Variants in FSHR observed in about 807,000 individuals in gnomAD.
The protein encoded by FSHR is follicle stimulating hormone receptor, also known as follicle-stimulating hormone receptor.
FSHR carries 46 observed loss-of-function variants against 52.1 expected under a neutral mutation model. That is an observed-to-expected ratio of 0.88 (90% CI 0.70 to 1.13). The LOEUF is 1.13. Among genes scored for constraint, FSHR ranks in the 50% most tolerant of loss-of-function variants. FSHR has a pLI of 0.00. For synonymous variants in FSHR, 399 were observed against 309.6 expected, an observed-to-expected ratio of 1.29 and a Z score of -3.03; for missense variants, 964 against 834.6, an observed-to-expected ratio of 1.16 and a Z score of -1.91.
chr2:49,032,576 T>C (rs1389170925), intron 2 of FSHR, among the ~76,000 whole-genome samples: 1 of 152,222 alleles, frequency 6.6e-6, no homozygotes, highest in Non-Finnish European at 1.5e-5. Context: ...TTTCAATGTT[T>C]CCTGCTAATA....
At position 49,080,721 on chromosome 2, in the gene FSHR, T is replaced by C. The variant is rs1670135576; in HGVS notation, c.153-12431A>G. Among the ~76,000 whole-genome samples, 4 of 152,226 alleles carry C rather than the reference T, an allele frequency of 2.6e-5. 1 individual carries two copies. Among genetic ancestry groups the C allele is most frequent in the African/African-American group, 9.6e-5 (4 of 41,454 alleles). ...TTTGATGCTTTGACATCTTCTGGCT[T>C]TGCTGACCCTGAAGAAACTGCCCCT... On this transcript the variant is annotated intron_variant, in intron 1 of 9. Coordinates refer to ENST00000406846, the MANE Select transcript of FSHR (RefSeq NM_000145.4).
intron 1 of FSHR, among the ~76,000 whole-genome samples, chr2:49,143,198 C>A (rs1349926015): frequency 6.6e-6 from 1 of 152,060 alleles, no homozygotes; most frequent in African/African-American, 2.4e-5. Context: ...GAGAAGTCAG[C>A]AGAGGAGATC....
intron 2 of FSHR, among the ~76,000 whole-genome samples, chr2:49,031,518 A>G (rs1400554379): frequency 6.6e-6 from 1 of 152,258 alleles, no homozygotes; most frequent in Non-Finnish European, 1.5e-5. Flanking sequence ...AGCTATAATT[A>G]CATGGCTAAT....
In FSHR at chr2:49,070,479, G is replaced by T. The variant is rs538298470; in HGVS notation, c.153-2189C>A. Among the ~76,000 whole-genome samples, 11 of 152,172 alleles carry T rather than the reference G, an allele frequency of 7.2e-5. No individual in the cohort carries two copies. In the East Asian group the frequency reaches 1.9e-3, roughly 27 times the overall value. On this transcript the variant is annotated intron_variant, in intron 1 of 9. Coordinates refer to ENST00000406846, the MANE Select transcript of FSHR (RefSeq NM_000145.4). ...ATTTAACACAAGACAGAAGAATGATGAAAATAAACCAATAAATGAAGATAA... is the reference window on the plus strand; with the variant it reads ...ATTTAACACAAGACAGAAGAATGATTAAAATAAACCAATAAATGAAGATAA...
chr2:49,091,498 T>C (rs113458820), intron 1 of FSHR, among the ~76,000 whole-genome samples: 3 of 152,266 alleles, frequency 2.0e-5, no homozygotes, highest in African/African-American at 7.2e-5. Flanking sequence ...GGTCTCACCA[T>C]GTTGCCCAGT....
At chr2:49,137,559 G>A (rs985637894) in intron 1 of FSHR, among the ~76,000 whole-genome samples, 1 of 152,012 alleles carries the variant, frequency 6.6e-6, no homozygotes, top group Non-Finnish European at 1.5e-5. Flanking sequence ...CAAAGTTGGA[G>A]GATTGTACTT....
rs71401003 is a variant in FSHR, at chr2:49,038,624, C to CAAAAAAAAA, written c.225-18465_225-18464insTTTTTTTTT. The stretch of plus-strand genomic sequence containing the variant: ...TGGGCGACAGAGCAAGACTCTGTCT[C>CAAAAAAAAA]AAAATAATAATAATAATAATAATAA... On this transcript the variant is annotated intron_variant, in intron 2 of 9. Coordinates refer to ENST00000406846, the MANE Select transcript of FSHR (RefSeq NM_000145.4). 7.6e-5 allele frequency among the ~76,000 whole-genome samples: 5 copies of CAAAAAAAAA among 65,444 alleles called. 1 individual carries two copies. The highest frequency in any genetic ancestry group is 3.0e-4 in the African/African-American group (5 of 16,816). The allele number at this position is 65,444 out of a possible 152,430, so 42.9% of individuals were successfully genotyped here. A position where few individuals can be genotyped will look rare whatever the true frequency, so the allele number is the denominator to read the frequency against.
At chr2:48,982,695 G>A (rs916800838) in intron 8 of FSHR, among the ~76,000 whole-genome samples, 1 of 152,200 alleles carries the variant, frequency 6.6e-6, no homozygotes, top group Non-Finnish European at 1.5e-5. Context: ...CACTCTGTAC[G>A]TGCTCATTAC....
intron 4 of FSHR, among the ~76,000 whole-genome samples, chr2:49,004,443 T>G (rs1034118965): frequency 6.6e-6 from 1 of 152,178 alleles, no homozygotes; most frequent in Non-Finnish European, 1.5e-5. Context: ...CAGAATCACT[T>G]CCTCTTTCCA....
chr2:49,088,165 T>G (rs190201475), intron 1 of FSHR, among the ~76,000 whole-genome samples: 17 of 152,282 alleles, frequency 1.1e-4, no homozygotes, highest in Non-Finnish European at 2.5e-4. Flanking sequence ...CCAAAGCCCA[T>G]GCGCACAAGT....
intron 1 of FSHR, among the ~76,000 whole-genome samples, chr2:49,149,746 C>A (rs1478582720): frequency 1.3e-4 from 19 of 151,494 alleles, no homozygotes; most frequent in African/African-American, 4.6e-4. Flanking sequence ...AGATCTAAAC[C>A]AGGATGAAAA....
At chr2:48,972,514 T>C (rs997533131) in intron 8 of FSHR, among the ~76,000 whole-genome samples, 12 of 152,242 alleles carry the variant, frequency 7.9e-5, no homozygotes, top group Non-Finnish European at 1.8e-4. Context: ...CTTTTTTCTT[T>C]GCTACAGGAG....
intron 1 of FSHR, among the ~76,000 whole-genome samples, chr2:49,070,538 G>A (rs929293332): frequency 6.6e-6 from 1 of 152,114 alleles, no homozygotes; most frequent in African/African-American, 2.4e-5. Context: ...CACTCTAAAA[G>A]TTTTAAGGAA....
intron 8 of FSHR, among the ~76,000 whole-genome samples, chr2:48,979,300 G>C (rs1160168330): frequency 6.6e-6 from 1 of 152,092 alleles, no homozygotes; most frequent in Non-Finnish European, 1.5e-5. Flanking sequence ...AAATGGCCAG[G>C]TGTGGTGGTG....
At chr2:48,999,800 A>G (rs552927011) in intron 4 of FSHR, among the ~76,000 whole-genome samples, 1 of 152,198 alleles carries the variant, frequency 6.6e-6, no homozygotes, top group African/African-American at 2.4e-5. Context: ...AGTTTCCAAG[A>G]GAAGGAAATA....
At chr2:48,978,002 T>G (rs1169482639) in intron 8 of FSHR, among the ~76,000 whole-genome samples, 1 of 152,170 alleles carries the variant, frequency 6.6e-6, no homozygotes, top group Non-Finnish European at 1.5e-5. Context: ...AGATAGTGAG[T>G]AGTTTTGAGA....
intron 6 of FSHR, 27 bp downstream of exon 6, chr2:48,988,950 C>T (rs1472384353): frequency 1.9e-6 from 3 of 1,578,804 alleles, no homozygotes; most frequent in East Asian, 2.2e-5. Flanking sequence ...AAATGTTACT[C>T]TGTTGGATTT....
intron 6 of FSHR, among the ~76,000 whole-genome samples, chr2:48,987,402 G>A (rs977775170): frequency 2.0e-5 from 3 of 151,466 alleles, no homozygotes; most frequent in East Asian, 1.9e-4. Context: ...TAGTAGAGAC[G>A]GGTTTCACTG....
intron 2 of FSHR, among the ~76,000 whole-genome samples, chr2:49,040,162 T>C (rs1458107631): frequency 6.6e-6 from 1 of 152,202 alleles, no homozygotes; most frequent in Non-Finnish European, 1.5e-5. Flanking sequence ...AAAATCAAAT[T>C]TGATGTCTAC....
Sources: gnomAD v4.1 joint callset for allele counts (sites outside exome capture counted in the v4.1 genomes callset) on GRCh38, gnomAD v4.1.1 for gene constraint, MANE v1.5 for transcripts, NCBI Gene and HGNC (gene_info 2026-07-23, HGNC 2026-07-21) for gene names.